The following LTN1 variants were observed in gnomAD, a reference collection of about 807,000 sequenced individuals.
LTN1 encodes the protein listerin E3 ubiquitin protein ligase 1.
In LTN1, 88 loss-of-function variants were observed where a neutral mutation model predicts 201.2. The ratio of observed to expected loss-of-function variants is 0.44; its 90% confidence interval spans 0.37 to 0.52. The LOEUF (loss-of-function observed/expected upper bound fraction) is 0.52, where lower values mean the gene tolerates loss of function less well. LTN1 is among the 20% of genes least tolerant of loss of function. LTN1 has a pLI of 0.00. For missense variants in LTN1, 1,752 were observed against 2,038.7 expected, an observed-to-expected ratio of 0.86 and a Z score of 2.71; for synonymous variants, 645 against 713.5, an observed-to-expected ratio of 0.90 and a Z score of 1.53.
rs1164451258 is a variant in LTN1 at position 28,943,142 on chromosome 21, GATCT to G, written c.4295+116_4295+119del. 4 of 529,106 alleles carry G rather than the reference GATCT, an allele frequency of 7.6e-6. No homozygotes were observed. The South Asian group carries it at 1.0e-4, about 13-fold the overall frequency. 32.8% of individuals were successfully genotyped at this position (529,106 alleles called of 1,614,324 possible). A position where few individuals can be genotyped will look rare whatever the true frequency, so the allele number is the denominator to read the frequency against. On this transcript the variant is annotated intron_variant, in intron 24 of 29. Coordinates refer to ENST00000361371, the MANE Select transcript of LTN1 (RefSeq NM_015565.3). ...TTTATATCTTACAGATAACTAAAAA[GATCT>G]ATCTGTAGAATGAATATAACTCTAT...
At chr21:28,985,024 A>G in intron 3 of LTN1, 102 bp from the exon 4 acceptor site, 1 of 734,308 alleles carries the variant, frequency 1.4e-6, no homozygotes. Context: ...GAATTCACCT[A>G]TGTATTAAGC....
chr21:28,931,194 G>T lies in LTN1; in HGVS notation c.5199C>A (p.Ala1733=). ...GGAATTTTTTCTTGCATGTTCTACA[G>T]GCTTTTTTGGGAAGGGAATAGTTGA... is the stretch of plus-strand genomic sequence containing the variant. ...HGFNYSLPKK[A]CRTCKKKFHS... is the part of the protein sequence containing the mutation. Residue 1733 remains alanine, a synonymous_variant, in exon 29 of 30, where the codon GCC becomes GCA. Transcript: ENST00000361371. The T allele has an allele frequency of 6.2e-7, 1 of 1,613,234 alleles. No individual in the cohort carries two copies. The highest frequency in any genetic ancestry group is 8.5e-7 in the Non-Finnish European group (1 of 1,179,686).
chr21:28,957,569 T>C (rs938594997), intron 14 of LTN1, 93 bp from the exon 15 acceptor site: 5 of 764,810 alleles, frequency 6.5e-6, no homozygotes, highest in Non-Finnish European at 9.4e-6. Context: ...ATAGCTCACC[T>C]GAACAAAAAG....
Position 28,964,597 on chromosome 21 carries a change from G to A in LTN1, c.2163+1268C>T, listed in dbSNP as rs376538975. The A allele has an allele frequency of 2.1e-5, 33 of 1,545,070 alleles. 1 individual carries two copies. In the South Asian group the frequency reaches 2.6e-4, roughly 12 times the overall value. On this transcript the variant is annotated intron_variant, in intron 11 of 29. Transcript: ENST00000361371. ...CTTACGATGTCTCTGAGATATGCCA[G>A]TATGAACATATCTAATGAAAGAAGC...
At chr21:28,984,635 T>C in intron 4 of LTN1, 57 bp downstream of exon 4, 2 of 1,281,724 alleles carry the variant, frequency 1.6e-6, no homozygotes, top group Non-Finnish European at 2.2e-6. Context: ...TCATTATGCT[T>C]ATAACCCTTA....
chr21:28,946,919 C>T (rs948165878), intron 19 of LTN1, among the ~76,000 whole-genome samples: 4 of 152,220 alleles, frequency 2.6e-5, no homozygotes, highest in African/African-American at 9.6e-5. Flanking sequence ...TATCCTTCAA[C>T]ACCCAGTAGA....
At position 28,966,376 on chromosome 21, in the gene LTN1, T is replaced by C. The variant is rs2084522576; in HGVS notation, c.2115A>G (p.Leu705=). 6.2e-7 allele frequency: 1 copy of C among 1,604,088 alleles called. No individual in the cohort carries two copies. Among genetic ancestry groups the C allele is most frequent in the Admixed American group, 1.7e-5 (1 of 57,994 alleles). ...DMERKKVLDD[L]TKVDLKWNSL... ...AGATATACAACAGGAATACCTTGGT[T>C]AGATCATCCAAGACTTTTTTTCTTT... Residue 705 remains leucine, a synonymous_variant, in exon 10 of 30, where the codon CTA becomes CTG. Transcript: ENST00000361371.
intron 18 of LTN1, among the ~76,000 whole-genome samples, chr21:28,950,825 T>A (rs565663521): frequency 1.3e-5 from 2 of 152,292 alleles, no homozygotes; most frequent in African/African-American, 4.8e-5. Context: ...ATTCCATTTA[T>A]AAAATATTCT....
chr21:28,985,290 TCTC>T (rs2084689479), intron 3 of LTN1, among the ~76,000 whole-genome samples: 1 of 151,832 alleles, frequency 6.6e-6, no homozygotes, highest in Admixed American at 6.6e-5. Context: ...TGAAACCCCG[TCTC>T]TACTAAAAAT....
chr21:28,970,823 T>A, intron 7 of LTN1, 81 bp from the exon 8 acceptor site: 1 of 1,087,500 alleles, frequency 9.2e-7, no homozygotes. Context: ...ATATAGGCTC[T>A]CAAAAAGAAA....
In LTN1 at chr21:28,971,276, T is replaced by C. The variant is rs2084572120; in HGVS notation, c.979A>G (p.Ile327Val). 3 of 1,612,452 alleles carry C rather than the reference T, an allele frequency of 1.9e-6. No individual in the cohort carries two copies. Among genetic ancestry groups the C allele is most frequent in the Non-Finnish European group, 1.7e-6 (2 of 1,179,146 alleles). The change falls in exon 7 of 30, where the codon ATT becomes GTT. Residue 327 changes from isoleucine to valine, a missense_variant. Coordinates refer to ENST00000361371, the MANE Select transcript of LTN1 (RefSeq NM_015565.3). ...WEAVLYTLTT[I>V]EDCWLHVNAK... ...AATGTGCCTCTCTTACATACCTCAA[T>C]AGTTGTAAGTGTATAGAGTACAGCT...
chr21:28,932,832 C>G (rs978368704), intron 27 of LTN1, among the ~76,000 whole-genome samples, 168 bp from the exon 28 acceptor site: 3 of 151,976 alleles, frequency 2.0e-5, no homozygotes, highest in Admixed American at 1.3e-4. Context: ...AAATACCTGC[C>G]TGGTATATTT....
intron 6 of LTN1, among the ~76,000 whole-genome samples, chr21:28,975,619 G>T (rs896881300): frequency 6.6e-6 from 1 of 152,142 alleles, no homozygotes; most frequent in Admixed American, 6.5e-5. Context: ...TCGTGTCCAT[G>T]GGGATGAAAA....
rs1377491356 is a variant in LTN1, at chr21:28,992,868, T to C, written c.-63A>G. 3 of 1,613,412 alleles carry C rather than the reference T, an allele frequency of 1.9e-6. No individual in the cohort carries two copies. The highest frequency in any genetic ancestry group is 2.2e-5 in the East Asian group (1 of 44,858). ...CGGTTGACACGTCCGGGACACAACT[T>C]CCGGCTTCTGGCGGCGGAAGAGGAC... On this transcript the variant is annotated 5_prime_UTR_variant, in exon 1 of 30. Coordinates refer to ENST00000361371, the MANE Select transcript of LTN1 (RefSeq NM_015565.3).
At chr21:28,987,811 A>G (rs932854039) in intron 1 of LTN1, among the ~76,000 whole-genome samples, 2 of 152,208 alleles carry the variant, frequency 1.3e-5, no homozygotes, top group African/African-American at 4.8e-5. Context: ...ATTTCTCTAT[A>G]AGGATGTTTG....
chr21:28,953,466 T>C, intron 16 of LTN1, 90 bp from the exon 17 acceptor site: 1 of 913,276 alleles, frequency 1.1e-6, no homozygotes, highest in Non-Finnish European at 1.6e-6. Context: ...TTTCTAACAC[T>C]GTTGTGCCCA....
chr21:28,945,794 C>T lies in LTN1; in HGVS notation c.3768+13G>A, dbSNP rs376288336. On this transcript the variant is annotated intron_variant, in intron 21 of 29. Coordinates refer to ENST00000361371, the MANE Select transcript of LTN1 (RefSeq NM_015565.3). Reference sequence around the variant, plus strand: ...AAACCCACAAGAGGTGATGACATATCGGGTTAATTTACCTCCAACCAAGCC... The same window carrying T: ...AAACCCACAAGAGGTGATGACATATTGGGTTAATTTACCTCCAACCAAGCC... 151 of 1,609,238 alleles carry T rather than the reference C, an allele frequency of 9.4e-5. No homozygotes were observed. The African/African-American group carries it at 1.3e-3, about 14-fold the overall frequency.
At chr21:28,936,763 C>G in intron 25 of LTN1, 66 bp from the exon 26 acceptor site, 1 of 1,254,192 alleles carries the variant, frequency 8.0e-7, no homozygotes, top group East Asian at 2.4e-5. Flanking sequence ...AAAAGAACAA[C>G]TCAAAGTGTA....
At chr21:28,989,024 C>G (rs778062367) in intron 1 of LTN1, among the ~76,000 whole-genome samples, 1 of 151,706 alleles carries the variant, frequency 6.6e-6, no homozygotes, top group East Asian at 1.9e-4. Context: ...CAGCTGTTCT[C>G]TATTTTTTAA....
Sources: allele counts gnomAD v4.1 joint callset (sites outside exome capture counted in the v4.1 genomes callset), GRCh38; gene constraint gnomAD v4.1.1; transcripts MANE v1.5; gene names NCBI Gene and HGNC (gene_info 2026-07-23, HGNC 2026-07-21).